RTN4: variants seen among roughly 807,000 people sequenced by gnomAD.
The protein encoded by RTN4 is reticulon-4.
RTN4 carries 32 observed loss-of-function variants against 90.4 expected under a neutral mutation model. That is an observed-to-expected ratio of 0.35 (90% CI 0.27 to 0.48). RTN4 has a LOEUF of 0.48. Ranked by LOEUF, RTN4 falls within the 20% of genes least tolerant of loss-of-function variation. The pLI, the probability that RTN4 is intolerant of heterozygous loss-of-function variation, is 0.99. For synonymous variants in RTN4, 629 were observed against 552.5 expected, an observed-to-expected ratio of 1.14 and a Z score of -1.94; for missense variants, 1,706 against 1,430.2, an observed-to-expected ratio of 1.19 and a Z score of -3.11.
chr2:55,013,802 G>A (rs900898904), intron 3 of RTN4, among the ~76,000 whole-genome samples: 13 of 152,052 alleles, frequency 8.5e-5, no homozygotes, highest in Non-Finnish European at 1.9e-4. Flanking sequence ...AAAAACTCAG[G>A]TTTTTGTTTT....
Position 55,027,383 on chromosome 2 carries a change from G to C in RTN4, c.716C>G (p.Ser239Cys). 1 of 1,613,732 alleles carries C rather than the reference G, an allele frequency of 6.2e-7. No individual in the cohort carries two copies. ...LETAASLPSL[S>C]PLSAASFKEH... ...TTTGAAAGAAGCGGCTGAGAGAGGAGACAGAGAAGGAAGAGAAGCAGCAGT... is the reference window on the plus strand; with the variant it reads ...TTTGAAAGAAGCGGCTGAGAGAGGACACAGAGAAGGAAGAGAAGCAGCAGT... Residue 239 changes from serine (S) to cysteine (C), a missense_variant, in exon 3 of 9, where the codon TCT becomes TGT. Physicochemically the swap from Ser to Cys is moderately radical, Grantham distance 112. Transcript: ENST00000337526.
Position 55,026,209 on chromosome 2 carries a change from G to C in RTN4, c.1890C>G (p.Ser630=). Residue 630 remains serine (S), a synonymous_variant, in exon 3 of 9, where the codon TCC becomes TCG. Coordinates refer to ENST00000337526, the MANE Select transcript of RTN4 (RefSeq NM_020532.5). ...ATGGTGATGAGCTGGGCTGTATCACGGAAGCACCAGCACTAGGAACTGCAG... is the reference window on the plus strand; with the variant it reads ...ATGGTGATGAGCTGGGCTGTATCACCGAAGCACCAGCACTAGGAACTGCAG... ...LNSAVPSAGA[S]VIQPSSSPLE... 6.2e-7 allele frequency: 1 copy of C among 1,613,570 alleles called. No homozygotes were observed.
Position 55,050,151 on chromosome 2 carries a change from CT to C in RTN4, c.149del (p.Glu50GlyfsTer29). 6.4e-7 allele frequency: 1 copy of C among 1,560,058 alleles called. No individual in the cohort carries two copies. Among genetic ancestry groups the C allele is most frequent in the Non-Finnish European group, 8.6e-7 (1 of 1,160,852 alleles). ...GCTTCCTCTCCAGCACCTCCAGCTC[CT>C]CCAGGTCTTCGTCCTCGTCCTCCTC... ...EEEEDEDEDL[E>X]ELEVLERKPA... On this transcript the variant is annotated frameshift_variant, in exon 1 of 9. Coordinates refer to ENST00000337526, the MANE Select transcript of RTN4 (RefSeq NM_020532.5). LOFTEE classifies it high-confidence loss of function. This position sits in a 1 kb window ranked among gnomAD's most constrained non-coding sequence, Gnocchi z 4.6.
Position 55,026,228 on chromosome 2 carries a change from A to C in RTN4, c.1871T>G (p.Val624Gly). The C allele has an allele frequency of 6.2e-7, 1 of 1,613,802 alleles. No homozygotes were observed. Among genetic ancestry groups the C allele is most frequent in the Middle Eastern group, 1.6e-4 (1 of 6,062 alleles). The change falls in exon 3 of 9, where the codon GTT (valine) becomes GGT (glycine). Residue 624 changes from valine to glycine, a missense_variant. Physicochemically the swap from Val to Gly is moderately radical, Grantham distance 109. Coordinates refer to ENST00000337526, the MANE Select transcript of RTN4 (RefSeq NM_020532.5). ...IVMEAPLNSA[V>G]PSAGASVIQP... ...TATCACGGAAGCACCAGCACTAGGA[A>C]CTGCAGAATTCAATGGTGCTTCCAT...
chr2:55,038,479 GAC>G (rs1412220872), intron 1 of RTN4, among the ~76,000 whole-genome samples: 1 of 141,082 alleles, frequency 7.1e-6, no homozygotes, highest in Non-Finnish European at 1.6e-5. Context: ...TACTTGAACA[GAC>G]ACTTCACCAA....
chr2:54,996,669 A>G (rs897561459), intron 3 of RTN4, among the ~76,000 whole-genome samples: 1 of 152,262 alleles, frequency 6.6e-6, no homozygotes, highest in Non-Finnish European at 1.5e-5. Flanking sequence ...TCTACTTCAT[A>G]TCACACATAA....
chr2:55,011,845 A>G (rs543533674), intron 3 of RTN4, among the ~76,000 whole-genome samples: 5 of 152,198 alleles, frequency 3.3e-5, no homozygotes, highest in Admixed American at 6.5e-5. Flanking sequence ...GTAATTTTTA[A>G]AAGAGCCCAG....
At chr2:55,079,414 C>G (rs1400336461) in intron 2 of RTN4, among the ~76,000 whole-genome samples, 1 of 152,088 alleles carries the variant, frequency 6.6e-6, no homozygotes, top group Non-Finnish European at 1.5e-5. Context: ...ACCACTGAAT[C>G]TGTCAAGTAA....
intron 2 of RTN4, among the ~76,000 whole-genome samples, chr2:55,076,150 T>C (rs944358771): frequency 6.6e-6 from 1 of 152,056 alleles, no homozygotes; most frequent in Non-Finnish European, 1.5e-5. Flanking sequence ...AGACAACCCA[T>C]GGAGTGGGAG....
At chr2:55,012,947 T>C (rs1438318300) in intron 3 of RTN4, among the ~76,000 whole-genome samples, 5 of 152,184 alleles carry the variant, frequency 3.3e-5, no homozygotes, top group Non-Finnish European at 7.4e-5. Context: ...TAAAAACTTA[T>C]CTTCATTTAT....
At position 54,972,903 on chromosome 2, in the gene RTN4, A is replaced by AGAT. The variant is rs1677214954; in HGVS notation, c.*250_*252dup. On this transcript the variant is annotated 3_prime_UTR_variant, in exon 9 of 9. Coordinates refer to ENST00000337526, the MANE Select transcript of RTN4 (RefSeq NM_020532.5). ...AGGTTTTTTATTCCACCAGTGCCTCAGATAGATAGGAAAAAGATATGATTA... is the reference window on the plus strand; with the variant it reads ...AGGTTTTTTATTCCACCAGTGCCTCAGATGATAGATAGGAAAAAGATATGATTA... The AGAT allele has an allele frequency of 1.0e-5, 1 of 97,050 alleles. No individual in the cohort carries two copies. Among genetic ancestry groups the AGAT allele is most frequent in the African/African-American group, 5.8e-5 (1 of 17,222 alleles). The allele number at this position is 97,050 out of a possible 1,614,324, so 6.0% of individuals were successfully genotyped here. A position where few individuals can be genotyped will look rare whatever the true frequency, so the allele number is the denominator to read the frequency against.
intron 4 of RTN4, among the ~76,000 whole-genome samples, chr2:54,984,613 A>G (rs1678402721): frequency 6.6e-6 from 1 of 152,176 alleles, no homozygotes; most frequent in South Asian, 2.1e-4. Flanking sequence ...TATTTACACT[A>G]ATTCAACTGA....
At chr2:55,115,759 T>C (rs1232074701), upstream of RTN4, among the ~76,000 whole-genome samples, 1 of 152,210 alleles carries the variant, frequency 6.6e-6, no homozygotes, top group Non-Finnish European at 1.5e-5. Flanking sequence ...TCTTACCACA[T>C]ATGGGCAGGG....
chr2:55,074,517 C>CAAAAA (rs778275041), intron 2 of RTN4, among the ~76,000 whole-genome samples: 4 of 59,586 alleles, frequency 6.7e-5, no homozygotes, highest in East Asian at 5.8e-4. Flanking sequence ...CTGCCCTCAC[C>CAAAAA]AAAAAAAAAA....
intron 1 of RTN4, among the ~76,000 whole-genome samples, chr2:55,108,731 T>G (rs112425992): frequency 2.2e-4 from 34 of 152,216 alleles, no homozygotes; most frequent in African/African-American, 7.0e-4. Flanking sequence ...CAAAAGTAAT[T>G]GCGGTTTTTG....
chr2:55,034,099 T>C (rs190668238), intron 1 of RTN4, among the ~76,000 whole-genome samples: 66 of 152,308 alleles, frequency 4.3e-4, no homozygotes, highest in African/African-American at 1.5e-3. Context: ...AAGTCTGTAT[T>C]TCCCCTAAGA....
the RTN4 span, among the ~76,000 whole-genome samples, chr2:55,132,375 C>A: frequency 6.6e-6 from 1 of 151,698 alleles, no homozygotes; most frequent in Non-Finnish European, 1.5e-5. Flanking sequence ...TGATGGCACA[C>A]ATCTGTAATC....
chr2:55,082,937 C>T (rs1251407422), intron 1 of RTN4, among the ~76,000 whole-genome samples: 7 of 151,998 alleles, frequency 4.6e-5, no homozygotes, highest in Non-Finnish European at 7.4e-5. Flanking sequence ...GGCAACAGAA[C>T]GAGACTCCGT....
intron 1 of RTN4, among the ~76,000 whole-genome samples, chr2:55,039,427 G>A (rs537121928): frequency 3.9e-5 from 6 of 152,134 alleles, no homozygotes; most frequent in Non-Finnish European, 7.4e-5. Flanking sequence ...GACCTTACTC[G>A]AATTCTGATT....
Sources: gnomAD v4.1 joint callset for allele counts (sites outside exome capture counted in the v4.1 genomes callset) on GRCh38, gnomAD v4.1.1 for gene constraint, Gnocchi (gnomAD v3.1) non-coding constraint, MANE v1.5 for transcripts, NCBI Gene and HGNC (gene_info 2026-07-23, HGNC 2026-07-21) for gene names.